The following HHIP variants were observed in gnomAD, a reference collection of about 807,000 sequenced individuals.
The protein encoded by HHIP is hedgehog interacting protein.
HHIP carries 12 observed loss-of-function variants against 74.0 expected under a neutral mutation model. The observed-to-expected ratio is 0.16, with a 90% CI of 0.10 to 0.26. The LOEUF (loss-of-function observed/expected upper bound fraction) is 0.26. Ranked by LOEUF, HHIP falls within the 10% of genes least tolerant of loss-of-function variation. The pLI is 1.00. For synonymous variants in HHIP, 309 were observed against 311.6 expected (o/e 0.99, Z 0.09); for missense variants, 788 against 845.0 (o/e 0.93, Z 0.84).
At chr4:144,676,569 G>A (rs999917640) in intron 4 of HHIP, among the ~76,000 whole-genome samples, 3 of 152,138 alleles carry the variant, frequency 2.0e-5, no homozygotes, top group South Asian at 4.1e-4. Flanking sequence ...CAACCTGGAC[G>A]AAAACACACA....
Position 144,707,234 on chromosome 4 carries a change from T to C in HHIP, c.1131T>C (p.Asp377=), listed in dbSNP as rs1239964971. ...IILGDGMITL[D]DMEEMDGLSD... Reference sequence around the variant, plus strand: ...TTGGTGATGGGATGATTACACTGGATGATATGGAAGAAATGGATGGGTTAA... The same window carrying C: ...TTGGTGATGGGATGATTACACTGGACGATATGGAAGAAATGGATGGGTTAA... The change falls in exon 6 of 13, where the codon GAT becomes GAC. Residue 377 remains aspartate (D), a synonymous_variant. Transcript: ENST00000296575. The C allele has an allele frequency of 1.2e-6, 2 of 1,612,530 alleles. No homozygotes were observed. The highest frequency in any genetic ancestry group is 1.7e-6 in the Non-Finnish European group (2 of 1,179,502).
chr4:144,669,201 T>C (rs1180260230), intron 4 of HHIP, among the ~76,000 whole-genome samples: 2 of 152,220 alleles, frequency 1.3e-5, no homozygotes, highest in Non-Finnish European at 2.9e-5. Context: ...TTTTCAAAAC[T>C]AGATCATTGG....
In HHIP at chr4:144,734,246, A is replaced by C. The variant is rs188140815; in HGVS notation, c.1761-495A>C. Among the ~76,000 whole-genome samples, 1,069 of 152,018 alleles carry C rather than the reference A, an allele frequency of 7.0e-3. 10 individuals are homozygous for C. The highest frequency in any genetic ancestry group is 0.023 in the African/African-American group (974 of 41,546). Reference sequence around the variant, plus strand: ...AAACAAAAATAAAATTAAAAAAAAAAACAAAGATTCCAAAGCTTTTCAGGC... The same window carrying C: ...AAACAAAAATAAAATTAAAAAAAAACACAAAGATTCCAAAGCTTTTCAGGC... On this transcript the variant is annotated intron_variant, in intron 11 of 12. Coordinates refer to ENST00000296575, the MANE Select transcript of HHIP (RefSeq NM_022475.3).
intron 11 of HHIP, among the ~76,000 whole-genome samples, chr4:144,730,955 C>G (rs1398324842): frequency 1.3e-5 from 2 of 152,172 alleles, no homozygotes; most frequent in Non-Finnish European, 2.9e-5. Flanking sequence ...AATCCTCTCT[C>G]TTTATCTCAT....
chr4:144,705,072 A>G (rs1407401768), intron 4 of HHIP, among the ~76,000 whole-genome samples: 1 of 152,194 alleles, frequency 6.6e-6, no homozygotes, highest in East Asian at 1.9e-4. Context: ...TGACATTTAA[A>G]TAATGACTTG....
chr4:144,693,876 G>T (rs1729744869), intron 4 of HHIP, among the ~76,000 whole-genome samples: 1 of 151,710 alleles, frequency 6.6e-6, no homozygotes, highest in African/African-American at 2.4e-5. Context: ...TTAATACAAA[G>T]ATATAAGATA....
Position 144,658,644 on chromosome 4 carries a change from C to T in HHIP, c.473-146C>T, listed in dbSNP as rs1578678969. On this transcript the variant is annotated intron_variant, in intron 2 of 12. Transcript: ENST00000296575. Reference sequence around the variant, plus strand: ...TCAGCCTCACAAAGTGGTGGGATTACAGGACTGTTTTTATTTCAGTCTAGG... The same window carrying T: ...TCAGCCTCACAAAGTGGTGGGATTATAGGACTGTTTTTATTTCAGTCTAGG... 9.7e-6 allele frequency: 6 copies of T among 618,796 alleles called. 1 individual carries two copies. Among genetic ancestry groups the T allele is most frequent in the East Asian group, 8.6e-5 (3 of 34,982 alleles). 38.3% of individuals were successfully genotyped at this position (618,796 alleles called of 1,614,324 possible).
intron 2 of HHIP, among the ~76,000 whole-genome samples, chr4:144,653,189 G>A (rs1216942681): frequency 6.6e-6 from 1 of 151,950 alleles, no homozygotes; most frequent in African/African-American, 2.4e-5. Flanking sequence ...TATATATATT[G>A]GAGAAAGTCC....
intron 4 of HHIP, among the ~76,000 whole-genome samples, chr4:144,688,357 C>T (rs549636814): frequency 2.2e-4 from 34 of 151,286 alleles, no homozygotes; most frequent in Non-Finnish European, 4.0e-4. Context: ...AGAGTCCCAG[C>T]GGTGCTGGTG....
chr4:144,688,165 T>C (rs1157251304), intron 4 of HHIP, among the ~76,000 whole-genome samples: 2 of 152,158 alleles, frequency 1.3e-5, no homozygotes, highest in Non-Finnish European at 2.9e-5. Flanking sequence ...TCTGTGAACA[T>C]TGCATAATAA....
intron 11 of HHIP, among the ~76,000 whole-genome samples, chr4:144,729,937 G>A (rs1365110754): frequency 6.6e-6 from 1 of 152,122 alleles, no homozygotes; most frequent in African/African-American, 2.4e-5. Flanking sequence ...ATAGATTTCT[G>A]CAGTGCTCAT....
Position 144,708,119 on chromosome 4 carries a change from A to C in HHIP, c.1158-49A>C, listed in dbSNP as rs144747532. ...ACCTCACCATATTTAATATAGGTGA[A>C]ATATATAATGAAAATGTAAAACACA... is the stretch of plus-strand genomic sequence containing the variant. On this transcript the variant is annotated intron_variant, in intron 6 of 12. Transcript: ENST00000296575. 281 of 1,584,982 alleles carry C rather than the reference A, an allele frequency of 1.8e-4. 1 individual carries two copies. The African/African-American group carries it at 3.2e-3, about 18-fold the overall frequency.
intron 4 of HHIP, among the ~76,000 whole-genome samples, chr4:144,693,329 C>T (rs1204986143): frequency 6.6e-6 from 1 of 151,974 alleles, no homozygotes; most frequent in Non-Finnish European, 1.5e-5. Flanking sequence ...AGTTGACTAA[C>T]AACACAGTCT....
At chr4:144,682,101 C>T (rs1729363585) in intron 4 of HHIP, among the ~76,000 whole-genome samples, 1 of 152,090 alleles carries the variant, frequency 6.6e-6, no homozygotes, top group South Asian at 2.1e-4. Context: ...TTTCCCAGAA[C>T]GTTCATGTTT....
chr4:144,725,922 C>T lies in HHIP; in HGVS notation c.1760+6966C>T, dbSNP rs113209501. Among the ~76,000 whole-genome samples, 326 of 152,180 alleles carry T rather than the reference C, an allele frequency of 2.1e-3. 2 individuals carry two copies. The highest frequency in any genetic ancestry group is 6.9e-3 in the African/African-American group (286 of 41,524). ...CTGGCCTCAGGTGATCTGCCTGGCT[C>T]GGCCTCCCAAAGTGCTGGGATTACA... On this transcript the variant is annotated intron_variant, in intron 11 of 12. Coordinates refer to ENST00000296575, the MANE Select transcript of HHIP (RefSeq NM_022475.3).
intron 7 of HHIP, among the ~76,000 whole-genome samples, chr4:144,711,610 T>C (rs1042042545): frequency 6.6e-5 from 10 of 152,302 alleles, no homozygotes; most frequent in Middle Eastern, 3.4e-3. Flanking sequence ...TGTTCCTGGA[T>C]GGTGACACCG....
rs144031096 is a variant in HHIP at position 144,703,279 on chromosome 4, C to T, written c.832-3252C>T. ...TTGAAAGGCAAGACTGCCTGAATCACGACTCTTCCATTTGCCATTCTATTA... is the reference window on the plus strand; with the variant it reads ...TTGAAAGGCAAGACTGCCTGAATCATGACTCTTCCATTTGCCATTCTATTA... On this transcript the variant is annotated intron_variant, in intron 4 of 12. Transcript: ENST00000296575. Among the ~76,000 whole-genome samples, 262 of 151,730 alleles carry T rather than the reference C, an allele frequency of 1.7e-3. 2 individuals carry two copies. Among genetic ancestry groups the T allele is most frequent in the African/African-American group, 5.9e-3 (243 of 41,398 alleles).
In HHIP at chr4:144,647,033, T is replaced by C; in HGVS notation, c.279+79T>C. ...TTCCCTGTGGCTCTGGCAAAGCCGG[T>C]GGTTGTAAGAAGGTCAAAACTTCTT... On this transcript the variant is annotated intron_variant, in intron 1 of 12. Coordinates refer to ENST00000296575, the MANE Select transcript of HHIP (RefSeq NM_022475.3). 3.7e-6 allele frequency: 5 copies of C among 1,352,258 alleles called. No homozygotes were observed. In the South Asian group the frequency reaches 7.1e-5, roughly 19 times the overall value. The allele number at this position is 1,352,258 out of a possible 1,614,324, so 83.8% of individuals were successfully genotyped here. A position where few individuals can be genotyped will look rare whatever the true frequency, so the allele number is the denominator to read the frequency against.
At chr4:144,693,034 G>A (rs1729718098) in intron 4 of HHIP, among the ~76,000 whole-genome samples, 1 of 152,140 alleles carries the variant, frequency 6.6e-6, no homozygotes, top group East Asian at 1.9e-4. Context: ...ACTGAGTGAT[G>A]TGCTGGAATC....
Sources: gnomAD v4.1 joint callset for allele counts (sites outside exome capture counted in the v4.1 genomes callset) on GRCh38, gnomAD v4.1.1 for gene constraint, MANE v1.5 for transcripts, NCBI Gene and HGNC (gene_info 2026-07-23, HGNC 2026-07-21) for gene names.